Variants in ITGA4 observed in about 807,000 individuals in gnomAD.
ITGA4 encodes integrin alpha-4.
ITGA4 carries 63 observed loss-of-function variants against 133.6 expected under a neutral mutation model. The observed-to-expected ratio is 0.47, with a 90% confidence interval of 0.38 to 0.58. The LOEUF (loss-of-function observed/expected upper bound fraction) is 0.58, where lower values mean the gene tolerates loss of function less well. Ranked by LOEUF, ITGA4 falls within the 20% of genes least tolerant of loss-of-function variation. ITGA4 has a pLI of 0.00. For synonymous variants in ITGA4, 483 were observed against 438.0 expected (o/e 1.10, Z -1.28); for missense variants, 1,076 against 1,252.7 (o/e 0.86, Z 2.13).
At chr2:181,481,084 C>G (rs1685791049) in intron 6 of ITGA4, among the ~76,000 whole-genome samples, 1 of 152,108 alleles carries the variant, frequency 6.6e-6, no homozygotes, top group African/African-American at 2.4e-5. Flanking sequence ...GAATTTGTTA[C>G]AATTCAATGT....
chr2:181,513,970 T>C (rs1416950559), intron 17 of ITGA4, among the ~76,000 whole-genome samples: 2 of 152,118 alleles, frequency 1.3e-5, no homozygotes, highest in Non-Finnish European at 2.9e-5. Context: ...CATTTTTGTG[T>C]TCCCAATGCC....
chr2:181,489,633 A>G (rs1685999740), intron 10 of ITGA4, among the ~76,000 whole-genome samples: 1 of 152,220 alleles, frequency 6.6e-6, no homozygotes, highest in Admixed American at 6.5e-5. Context: ...ATATTAATAT[A>G]TCGTCAAATC....
rs138553655 is a variant in ITGA4 at position 181,531,164 on chromosome 2, T to G, written c.2665-493T>G. Among the ~76,000 whole-genome samples the G allele has an allele frequency of 9.5e-3, 1,442 of 152,060 alleles. 26 individuals are homozygous for G. The highest frequency in any genetic ancestry group is 0.033 in the African/African-American group (1,357 of 41,498). ...CAGTTTCATTTTTTTATCTAACAAA[T>G]GCCCACTATTTGCCAACAAGACATT... is the stretch of plus-strand genomic sequence containing the variant. On this transcript the variant is annotated intron_variant, in intron 24 of 27. Coordinates refer to ENST00000397033, the MANE Select transcript of ITGA4 (RefSeq NM_000885.6).
At position 181,514,501 on chromosome 2, in the gene ITGA4, C is replaced by T. The variant is rs570541160; in HGVS notation, c.1922+2726C>T. On this transcript the variant is annotated intron_variant, in intron 17 of 27. Coordinates refer to ENST00000397033, the MANE Select transcript of ITGA4 (RefSeq NM_000885.6). Reference sequence around the variant, plus strand: ...AACTGTAATCCAGAAACAGAGACTACGGACTACTTTGTATCCCAGCATGTA... The same window carrying T: ...AACTGTAATCCAGAAACAGAGACTATGGACTACTTTGTATCCCAGCATGTA... 4.7e-5 allele frequency among the ~76,000 whole-genome samples: 7 copies of T among 150,120 alleles called. No homozygotes were observed. In the South Asian group the frequency reaches 8.3e-4, roughly 18 times the overall value.
intron 9 of ITGA4, among the ~76,000 whole-genome samples, chr2:181,484,979 G>A (rs562884307): frequency 8.3e-4 from 127 of 152,256 alleles, no homozygotes; most frequent in African/African-American, 3.0e-3. Context: ...ACAAAAGACT[G>A]ACATGATCAA....
intron 17 of ITGA4, among the ~76,000 whole-genome samples, chr2:181,514,319 G>GA (rs1686563552): frequency 2.0e-5 from 3 of 151,762 alleles, no homozygotes; most frequent in African/African-American, 7.3e-5. Flanking sequence ...TGACAAATAG[G>GA]GTTGAGTACC....
At position 181,474,192 on chromosome 2, in the gene ITGA4, T is replaced by C. The variant is rs139422697; in HGVS notation, c.320-768T>C. Reference sequence around the variant, plus strand: ...AATAGGAACCCAGCTATAACACAAATAATTTTTTCTAACAAAAGAAAATAA... The same window carrying C: ...AATAGGAACCCAGCTATAACACAAACAATTTTTTCTAACAAAAGAAAATAA... On this transcript the variant is annotated intron_variant, in intron 2 of 27. Transcript: ENST00000397033. Among the ~76,000 whole-genome samples the C allele has an allele frequency of 6.9e-3, 1,047 of 152,316 alleles. 14 individuals are homozygous for C. The highest frequency in any genetic ancestry group is 0.014 in the South Asian group (67 of 4,826).
At chr2:181,524,462 T>G (rs545504269) in intron 20 of ITGA4, 114 of 444,822 alleles carry the variant, frequency 2.6e-4, no homozygotes, top group South Asian at 1.2e-3. Flanking sequence ...TTAGATTAGA[T>G]TAGAGTAGAC....
At chr2:181,468,209 T>C (rs1168585274) in intron 2 of ITGA4, among the ~76,000 whole-genome samples, 2 of 152,164 alleles carry the variant, frequency 1.3e-5, no homozygotes, top group South Asian at 2.1e-4. Flanking sequence ...CAAATCATCC[T>C]TTGTAAAGAT....
chr2:181,536,766 A>ATCCAGAAAGT lies in ITGA4; in HGVS notation c.*1239_*1240insTCCAGAAAGT, dbSNP rs1559062028. ...TGGATTTTAAAAAATTTCTTTAAATACAATCATTTTTGTAATATTTATTTT... is the reference window on the plus strand; with the variant it reads ...TGGATTTTAAAAAATTTCTTTAAATATCCAGAAAGTCAATCATTTTTGTAATATTTATTTT... On this transcript the variant is annotated 3_prime_UTR_variant, in exon 28 of 28. Coordinates refer to ENST00000397033, the MANE Select transcript of ITGA4 (RefSeq NM_000885.6). 1 of 248,540 alleles carries ATCCAGAAAGT rather than the reference A, an allele frequency of 4.0e-6. No individual in the cohort carries two copies. Among genetic ancestry groups the ATCCAGAAAGT allele is most frequent in the African/African-American group, 2.3e-5 (1 of 43,556 alleles). 15.4% of individuals were successfully genotyped at this position (248,540 alleles called of 1,614,324 possible).
At position 181,537,054 on chromosome 2, in the gene ITGA4, G is replaced by T; in HGVS notation, c.*1527G>T. ...TGCGAAGGCATTTGAGTAGTGAAAT[G>T]TAAGCACAAAACCTCCTGAACCCAG... On this transcript the variant is annotated 3_prime_UTR_variant, in exon 28 of 28. Coordinates refer to ENST00000397033, the MANE Select transcript of ITGA4 (RefSeq NM_000885.6). The T allele has an allele frequency of 2.2e-6, 1 of 444,712 alleles. No homozygotes were observed. The highest frequency in any genetic ancestry group is 4.5e-6 in the Non-Finnish European group (1 of 221,726). The allele number at this position is 444,712 out of a possible 1,614,324, so 27.5% of individuals were successfully genotyped here.
chr2:181,457,889 G>A, intron 1 of ITGA4, 38 bp downstream of exon 1: 10 of 1,549,406 alleles, frequency 6.5e-6, no homozygotes, highest in South Asian at 1.2e-5. Context: ...CAGCAGCTCA[G>A]AGCGGCGTGA....
chr2:181,470,082 T>C (rs1012243478), intron 2 of ITGA4, among the ~76,000 whole-genome samples: 19 of 151,936 alleles, frequency 1.3e-4, no homozygotes, highest in Admixed American at 4.6e-4. Flanking sequence ...AAAAAAGATA[T>C]AAATGTTGGC....
Position 181,535,603 on chromosome 2 carries a change from G to T in ITGA4, c.*76G>T. On this transcript the variant is annotated 3_prime_UTR_variant, in exon 28 of 28. Coordinates refer to ENST00000397033, the MANE Select transcript of ITGA4 (RefSeq NM_000885.6). ...GAAATTTAAAAGACACTGTTTACAA[G>T]AAAAAATGAATTTTGTTTGGACTTC... 1 of 1,490,174 alleles carries T rather than the reference G, an allele frequency of 6.7e-7. No individual in the cohort carries two copies. Among genetic ancestry groups the T allele is most frequent in the Non-Finnish European group, 8.9e-7 (1 of 1,119,450 alleles). The allele number at this position is 1,490,174 out of a possible 1,614,324, so 92.3% of individuals were successfully genotyped here.
chr2:181,508,589 G>A (rs937534554), intron 15 of ITGA4, among the ~76,000 whole-genome samples: 1 of 151,866 alleles, frequency 6.6e-6, no homozygotes, highest in African/African-American at 2.4e-5. Flanking sequence ...CCAGCTACTC[G>A]GGAGACTGAA....
rs943519292 is a variant in ITGA4 at position 181,457,681 on chromosome 2, C to G, written c.27C>G (p.Pro9=). Residue 9 remains proline, a synonymous_variant, in exon 1 of 28, where the codon CCC becomes CCG. Transcript: ENST00000397033. Reference sequence around the variant, plus strand: ...TGGCTTGGGAAGCGAGGCGCGAACCCGGCCCCCGAAGGGCCGCCGTCCGGG... The same window carrying G: ...TGGCTTGGGAAGCGAGGCGCGAACCGGGCCCCCGAAGGGCCGCCGTCCGGG... MAWEARRE[P]GPRRAAVRET... The G allele has an allele frequency of 6.2e-7, 1 of 1,611,062 alleles. No individual in the cohort carries two copies. The highest frequency in any genetic ancestry group is 8.5e-7 in the Non-Finnish European group (1 of 1,179,384).
intron 26 of ITGA4, 138 bp from the exon 27 acceptor site, chr2:181,534,676 ATT>A: frequency 1.4e-6 from 1 of 716,396 alleles, no homozygotes; most frequent in Non-Finnish European, 2.3e-6. Flanking sequence ...CTGCAATTAT[ATT>A]AGAACCAGCA....
chr2:181,524,117 A>T, intron 19 of ITGA4, 54 bp from the exon 20 acceptor site: 4 of 1,209,648 alleles, frequency 3.3e-6, no homozygotes, highest in Non-Finnish European at 1.2e-6. Flanking sequence ...TTCAGATTAT[A>T]AAAAATGTAC....
At chr2:181,527,219 T>G (rs967015707) in intron 21 of ITGA4, 78 bp from the exon 22 acceptor site, 5 of 823,804 alleles carry the variant, frequency 6.1e-6, no homozygotes, top group Non-Finnish European at 1.0e-5. Flanking sequence ...TATGCTATAA[T>G]CCAGACTATA....
Sources: allele counts gnomAD v4.1 joint callset (sites outside exome capture counted in the v4.1 genomes callset), GRCh38; gene constraint gnomAD v4.1.1; transcripts MANE v1.5; gene names NCBI Gene and HGNC (gene_info 2026-07-23, HGNC 2026-07-21).